Variants in STAU2 observed in about 807,000 individuals in gnomAD.
The protein encoded by STAU2 is staufen double-stranded RNA binding protein 2, also known as double-stranded RNA-binding protein Staufen homolog 2.
STAU2 carries 20 observed loss-of-function variants against 65.9 expected under a neutral mutation model. That is an observed-to-expected ratio of 0.30 (90% CI 0.21 to 0.44). STAU2 has a LOEUF of 0.44. Ranked by LOEUF, STAU2 falls within the 20% of genes least tolerant of loss-of-function variation. The pLI is 1.00. For synonymous variants in STAU2, 232 were observed against 233.9 expected (o/e 0.99, Z 0.07); for missense variants, 558 against 683.9 (o/e 0.82, Z 2.05).
chr8:73,655,892 C>T (rs916761388), intron 6 of STAU2, among the ~76,000 whole-genome samples: 6 of 151,938 alleles, frequency 3.9e-5, no homozygotes, highest in Non-Finnish European at 8.8e-5. Context: ...TCGTGATTCG[C>T]CCGCCTCGGC....
chr8:73,471,567 C>G (rs1280835576), intron 13 of STAU2, among the ~76,000 whole-genome samples: 3 of 149,314 alleles, frequency 2.0e-5, no homozygotes, highest in Non-Finnish European at 4.4e-5. Flanking sequence ...GCCTGTAATC[C>G]CAACACTTTG....
chr8:73,461,870 G>A (rs1465864545), intron 13 of STAU2, among the ~76,000 whole-genome samples: 1 of 152,126 alleles, frequency 6.6e-6, no homozygotes, highest in Non-Finnish European at 1.5e-5. Context: ...CACACCCAGG[G>A]CCCCAGCTGT....
At chr8:73,625,281 T>C (rs943059692) in intron 6 of STAU2, among the ~76,000 whole-genome samples, 3 of 152,184 alleles carry the variant, frequency 2.0e-5, no homozygotes, top group Admixed American at 1.3e-4. Context: ...TACAGCAGCA[T>C]TATTCCTAAT....
At chr8:73,663,765 T>C (rs550166165) in intron 6 of STAU2, among the ~76,000 whole-genome samples, 1 of 152,252 alleles carries the variant, frequency 6.6e-6, no homozygotes, top group African/African-American at 2.4e-5. Flanking sequence ...ATTATACAGG[T>C]TGTGTACCTA....
rs1374361568 is a variant in STAU2, at chr8:73,700,169, C to T, written c.114+8863G>A. 2.0e-5 allele frequency among the ~76,000 whole-genome samples: 3 copies of T among 151,978 alleles called. No individual in the cohort carries two copies. In the East Asian group the frequency reaches 5.8e-4, roughly 29 times the overall value. ...ATAACTGGGCATAAAAGGAACATGC[C>T]TGAACATAATAAAAGCCATATATGA... is the stretch of plus-strand genomic sequence containing the variant. On this transcript the variant is annotated intron_variant, in intron 4 of 14. Coordinates refer to ENST00000524300, the MANE Select transcript of STAU2 (RefSeq NM_001164380.2).
intron 10 of STAU2, 39 bp from the exon 11 acceptor site, chr8:73,595,336 A>G: frequency 6.5e-7 from 1 of 1,537,032 alleles, no homozygotes; most frequent in Admixed American, 2.1e-5. Flanking sequence ...AAATACATTT[A>G]TGATAAATTT....
At chr8:73,651,079 C>T (rs552414447) in intron 6 of STAU2, among the ~76,000 whole-genome samples, 1 of 152,348 alleles carries the variant, frequency 6.6e-6, no homozygotes, top group East Asian at 1.9e-4. Context: ...CGTGGACTGG[C>T]TCTCCCAAAG....
Position 73,552,261 on chromosome 8 carries a change from G to A in STAU2, c.1281C>T (p.Arg427=). 6.2e-7 allele frequency: 1 copy of A among 1,613,816 alleles called. No individual in the cohort carries two copies. The highest frequency in any genetic ancestry group is 8.5e-7 in the Non-Finnish European group (1 of 1,179,806). The change falls in exon 13 of 15, where the codon CGC becomes CGT. Residue 427 remains arginine, a synonymous_variant. Coordinates refer to ENST00000524300, the MANE Select transcript of STAU2 (RefSeq NM_001164380.2). ...GAGTAGTGCCAGAGATTACTTTGTG[G>A]CGGCTGGCTTCCATCTCTTGATAAA... is the stretch of plus-strand genomic sequence containing the variant. ...PDVYQEMEAS[R]HKVISGTTLG... is the part of the protein sequence containing the mutation.
At chr8:73,579,365 G>A (rs951400421) in intron 12 of STAU2, among the ~76,000 whole-genome samples, 18 of 152,146 alleles carry the variant, frequency 1.2e-4, no homozygotes, top group African/African-American at 3.6e-4. Flanking sequence ...GCACATACCA[G>A]TGAATACCTT....
At chr8:73,500,979 A>G (rs1821720143) in intron 13 of STAU2, among the ~76,000 whole-genome samples, 2 of 151,940 alleles carry the variant, frequency 1.3e-5, no homozygotes, top group South Asian at 4.1e-4. Context: ...ATGTTTTATT[A>G]TAACAGCAGT....
intron 13 of STAU2, among the ~76,000 whole-genome samples, chr8:73,479,712 CGTGT>C (rs5892422): frequency 0.046 from 6,657 of 143,850 alleles, 351 homozygotes; most frequent in African/African-American, 0.13. Context: ...CTTAAATATA[CGTGT>C]GTGTGTGTGT....
intron 12 of STAU2, among the ~76,000 whole-genome samples, chr8:73,557,019 A>AT (rs1282473644): frequency 7.4e-6 from 1 of 135,230 alleles, no homozygotes; most frequent in East Asian, 2.0e-4. Context: ...CATTATATAT[A>AT]TTTTAGTTTA....
chr8:73,586,516 G>A (rs780256349), intron 11 of STAU2, among the ~76,000 whole-genome samples: 35 of 151,926 alleles, frequency 2.3e-4, no homozygotes, highest in Non-Finnish European at 4.7e-4. Flanking sequence ...TAAGGAGATG[G>A]GAGTTCCAAG....
At chr8:73,610,335 A>T (rs565013321) in intron 9 of STAU2, among the ~76,000 whole-genome samples, 250 of 151,972 alleles carry the variant, frequency 1.6e-3, no homozygotes, top group Non-Finnish European at 3.0e-3. Flanking sequence ...TCAGGAGTTC[A>T]AGACCAGCCT....
At chr8:73,745,371 C>T (rs1807197283) in intron 1 of STAU2, among the ~76,000 whole-genome samples, 1 of 152,184 alleles carries the variant, frequency 6.6e-6, no homozygotes, top group South Asian at 2.1e-4. Flanking sequence ...CAGCTGAGTT[C>T]ACAACAGTGT....
At chr8:73,629,692 T>G (rs1372642985) in intron 6 of STAU2, among the ~76,000 whole-genome samples, 1 of 152,014 alleles carries the variant, frequency 6.6e-6, no homozygotes. Context: ...CTTTGGGGGG[T>G]TCATTACAAT....
intron 13 of STAU2, chr8:73,551,155 T>C (rs1053984671): frequency 1.0e-6 from 1 of 987,514 alleles, no homozygotes; most frequent in Non-Finnish European, 1.2e-6. Context: ...AACTAAGAAA[T>C]CAAGACACAG....
chr8:73,621,825 G>C (rs912193266), intron 6 of STAU2, among the ~76,000 whole-genome samples: 3 of 152,114 alleles, frequency 2.0e-5, no homozygotes, highest in South Asian at 2.1e-4. Context: ...CTGACTCTCT[G>C]CACGATAAAG....
intron 13 of STAU2, among the ~76,000 whole-genome samples, chr8:73,528,821 T>C (rs1805611772): frequency 6.6e-6 from 1 of 152,172 alleles, no homozygotes; most frequent in Non-Finnish European, 1.5e-5. Flanking sequence ...TTGTCTTGGG[T>C]TTTATTCTAA....
Sources: gnomAD v4.1 joint callset for allele counts (sites outside exome capture counted in the v4.1 genomes callset) on GRCh38, gnomAD v4.1.1 for gene constraint, MANE v1.5 for transcripts, NCBI Gene and HGNC (gene_info 2026-07-23, HGNC 2026-07-21) for gene names.